CACNA1E: variants seen among roughly 807,000 people sequenced by gnomAD.
CACNA1E encodes voltage-dependent R-type calcium channel subunit alpha-1E.
In CACNA1E, 40 loss-of-function variants were observed where a neutral mutation model predicts 259.2. That is an observed-to-expected ratio of 0.15 (90% confidence interval 0.12 to 0.20). CACNA1E has a LOEUF of 0.20. Among genes scored for constraint, CACNA1E ranks in the 10% least tolerant of loss-of-function variants. The pLI is 1.00. For synonymous variants in CACNA1E, 1,104 were observed against 1,138.5 expected, an observed-to-expected ratio of 0.97 and a Z score of 0.61; for missense variants, 1,874 against 3,040.1, an observed-to-expected ratio of 0.62 and a Z score of 9.02.
chr1:181,725,748 C>T (rs1654845651), intron 17 of CACNA1E, among the ~76,000 whole-genome samples: 1 of 152,232 alleles, frequency 6.6e-6, no homozygotes, highest in Non-Finnish European at 1.5e-5. Context: ...ACCTCCACAG[C>T]CATAGCCAGC....
At position 181,431,817 on chromosome 1, in the gene CACNA1E, C is replaced by A. The variant is rs12043888; in HGVS notation, c.434+18237C>A. Among the ~76,000 whole-genome samples the A allele has an allele frequency of 1.2e-3, 178 of 152,292 alleles. No individual in the cohort carries two copies. In the East Asian group the frequency reaches 0.03, roughly 25 times the overall value. Reference sequence around the variant, plus strand: ...AAACCCTTTCATTCTATGTGATGGACAGATAAGAGATACAGGGCTCCTGTA... The same window carrying A: ...AAACCCTTTCATTCTATGTGATGGAAAGATAAGAGATACAGGGCTCCTGTA... On this transcript the variant is annotated intron_variant, in intron 2 of 11. Coordinates refer to the CACNA1E transcript ENST00000524607.
rs376304436 is a variant in CACNA1E at position 181,798,296 on chromosome 1, C to T, written c.6404C>T (p.Thr2135Ile). Reference protein sequence around the residue: ...GRSQTPNRQGTGSLSESSIPS... With the variant: ...GRSQTPNRQGIGSLSESSIPS... Reference sequence around the variant, plus strand: ...CATGTCTCTCCTGCTATACAGGGCACAGGTTCCCTAAGTGAGAGCTCCATC... The same window carrying T: ...CATGTCTCTCCTGCTATACAGGGCATAGGTTCCCTAAGTGAGAGCTCCATC... Residue 2135 changes from threonine to isoleucine, a missense_variant, in exon 48 of 48, where the codon ACA becomes ATA. This residue lies in a region of CACNA1E where 542 missense variants were observed against 587.2 expected (regional missense o/e 0.92). Transcript: ENST00000367573. The surrounding 1 kb of genome is among the most constrained non-coding windows in gnomAD (Gnocchi z 4.2). The T allele has an allele frequency of 2.5e-6, 4 of 1,590,886 alleles. No individual in the cohort carries two copies. The highest frequency in any genetic ancestry group is 2.2e-5 in the East Asian group (1 of 44,566).
intron 6 of CACNA1E, among the ~76,000 whole-genome samples, chr1:181,592,276 A>G (rs1572314130): frequency 6.6e-6 from 1 of 152,094 alleles, no homozygotes; most frequent in Non-Finnish European, 1.5e-5. Context: ...TCCCCTAGAC[A>G]TGGCTAAGTA....
At chr1:181,381,075 A>G (rs1655426115) in intron 1 of CACNA1E, among the ~76,000 whole-genome samples, 1 of 152,036 alleles carries the variant, frequency 6.6e-6, no homozygotes, top group South Asian at 2.1e-4. Context: ...CTGAGGCAGG[A>G]GAATCGCTTG....
In CACNA1E at chr1:181,785,477, A is replaced by T; in HGVS notation, c.5679+59A>T. 1.1e-5 allele frequency: 13 copies of T among 1,195,052 alleles called. No homozygotes were observed. In the South Asian group the frequency reaches 1.6e-4, roughly 15 times the overall value. The allele number at this position is 1,195,052 out of a possible 1,614,324, so 74.0% of individuals were successfully genotyped here. The stretch of plus-strand genomic sequence containing the variant: ...GCCATGAGGAGTTGCAGGAGGGAAT[A>T]GGCCTGTGCCTCCCTGGGGCATAGT... On this transcript the variant is annotated intron_variant, in intron 42 of 47. Coordinates refer to ENST00000367573, the MANE Select transcript of CACNA1E (RefSeq NM_001205293.3).
chr1:181,319,013 C>T (rs1376340730), intron 1 of CACNA1E, among the ~76,000 whole-genome samples: 1 of 152,172 alleles, frequency 6.6e-6, no homozygotes, highest in Non-Finnish European at 1.5e-5. Flanking sequence ...GAGACACTAA[C>T]CCACCGACGT....
intron 6 of CACNA1E, among the ~76,000 whole-genome samples, chr1:181,649,348 TG>T (rs1414180306): frequency 3.3e-5 from 5 of 152,022 alleles, no homozygotes; most frequent in Non-Finnish European, 7.4e-5. Context: ...CTGCTTCAAT[TG>T]CAATTATCTC....
In CACNA1E at chr1:181,802,547, C is replaced by G. The variant is rs1422323462; in HGVS notation, c.*3713C>G. The G allele has an allele frequency of 6.6e-6, 1 of 152,138 alleles. No homozygotes were observed. Among genetic ancestry groups the G allele is most frequent in the Non-Finnish European group, 1.5e-5 (1 of 68,026 alleles). 9.4% of individuals were successfully genotyped at this position (152,138 alleles called of 1,614,324 possible). ...GATCCAGCTCCTGAGATGGTTAATT[C>G]CACCCAATCCAAGCTTATTTGCTTG... On this transcript the variant is annotated 3_prime_UTR_variant, in exon 48 of 48. Transcript: ENST00000367573.
intron 3 of CACNA1E, among the ~76,000 whole-genome samples, chr1:181,561,983 T>C (rs151240401): frequency 2.0e-5 from 3 of 152,326 alleles, no homozygotes; most frequent in African/African-American, 7.2e-5. Flanking sequence ...TTTGCATTTC[T>C]CTAATGATTA....
chr1:181,616,341 TTTTG>T (rs760159236), intron 6 of CACNA1E, among the ~76,000 whole-genome samples: 2 of 117,168 alleles, frequency 1.7e-5, no homozygotes, highest in Non-Finnish European at 4.2e-5. Context: ...GTTTGTTTTG[TTTTG>T]TTTTTTTTGT....
At position 181,784,714 on chromosome 1, in the gene CACNA1E, A is replaced by C; in HGVS notation, c.5524A>C (p.Ile1842Leu). ...AGAGCTACAAAAGGAGACCCTAGCC[A>C]TCTGGCCTCACCTATCCCAGAAGAT... ...DSELQKETLA[I>L]WPHLSQKMLD... The change falls in exon 41 of 48, where the codon ATC becomes CTC. Residue 1842 changes from isoleucine (I) to leucine (L), a missense_variant. By Grantham distance (5) the Ile-to-Leu change is conservative. Coordinates refer to ENST00000367573, the MANE Select transcript of CACNA1E (RefSeq NM_001205293.3). 6.3e-7 allele frequency: 1 copy of C among 1,590,028 alleles called. No homozygotes were observed. Among genetic ancestry groups the C allele is most frequent in the Non-Finnish European group, 8.6e-7 (1 of 1,167,870 alleles).
At position 181,352,608 on chromosome 1, in the gene CACNA1E, C is replaced by T. The variant is rs151123090; in HGVS notation, c.-15+34485C>T. On this transcript the variant is annotated intron_variant, in intron 1 of 11. Transcript: ENST00000524607. ...TTAATGCATTGGTCTCTCTCTTCAC[C>T]GCCTCCTCTGCCACTTGTTAGTGTC... is the stretch of plus-strand genomic sequence containing the variant. 1.2e-4 allele frequency among the ~76,000 whole-genome samples: 19 copies of T among 152,222 alleles called. No individual in the cohort carries two copies. In the East Asian group the frequency reaches 1.7e-3, roughly 14 times the overall value.
intron 1 of CACNA1E, among the ~76,000 whole-genome samples, chr1:181,385,092 C>T (rs914184154): frequency 6.6e-5 from 10 of 152,064 alleles, no homozygotes; most frequent in East Asian, 5.8e-4. Context: ...TTACAAAGGG[C>T]GGTCTCTGGG....
intron 6 of CACNA1E, among the ~76,000 whole-genome samples, chr1:181,583,520 A>G (rs1209439726): frequency 1.3e-5 from 2 of 152,244 alleles, no homozygotes; most frequent in Non-Finnish European, 2.9e-5. Flanking sequence ...CCCAGTAGGA[A>G]GAAGCTCTCA....
At chr1:181,633,092 G>C (rs1357305106) in intron 6 of CACNA1E, among the ~76,000 whole-genome samples, 1 of 152,090 alleles carries the variant, frequency 6.6e-6, no homozygotes, top group Non-Finnish European at 1.5e-5. Flanking sequence ...GCTTTGGGAA[G>C]ATACACCTGA....
chr1:181,703,648 G>T (rs900460099), intron 7 of CACNA1E, among the ~76,000 whole-genome samples: 2 of 152,170 alleles, frequency 1.3e-5, no homozygotes, highest in African/African-American at 4.8e-5. Flanking sequence ...GCTCCTAAAA[G>T]AATAATCTTC....
chr1:181,444,760 G>A (rs1232186204), intron 2 of CACNA1E, among the ~76,000 whole-genome samples: 1 of 152,190 alleles, frequency 6.6e-6, no homozygotes, highest in Non-Finnish European at 1.5e-5. Context: ...GCCAGCACCA[G>A]CTGGGGAGAT....
At position 181,732,580 on chromosome 1, in the gene CACNA1E, G is replaced by A. The variant is rs1399982675; in HGVS notation, c.2494G>A (p.Ala832Thr). ...CCCCAGCCTTTATCGGCGACCCAGGGCCATTGAGGGCCTGGCCCTGGGCCT... is the reference window on the plus strand; with the variant it reads ...CCCCAGCCTTTATCGGCGACCCAGGACCATTGAGGGCCTGGCCCTGGGCCT... ...AHPSLYRRPR[A>T]IEGLALGLAL... The change falls in exon 20 of 48, where the codon GCC becomes ACC. Residue 832 changes from alanine (A) to threonine (T), a missense_variant. Transcript: ENST00000367573. This position sits in a 1 kb window ranked among gnomAD's most constrained non-coding sequence, Gnocchi z 5.5. The A allele has an allele frequency of 6.6e-7, 1 of 1,520,612 alleles. No homozygotes were observed. Among genetic ancestry groups the A allele is most frequent in the Non-Finnish European group, 8.8e-7 (1 of 1,133,592 alleles). The allele number at this position is 1,520,612 out of a possible 1,614,324, so 94.2% of individuals were successfully genotyped here. A position where few individuals can be genotyped will look rare whatever the true frequency, so the allele number is the denominator to read the frequency against.
At chr1:181,783,416 A>G (rs1281275455) in intron 39 of CACNA1E, among the ~76,000 whole-genome samples, 1 of 152,180 alleles carries the variant, frequency 6.6e-6, no homozygotes, top group Non-Finnish European at 1.5e-5. Context: ...CTGAATGATT[A>G]GGGAAGCCCC....
Sources: allele counts gnomAD v4.1 joint callset (sites outside exome capture counted in the v4.1 genomes callset), GRCh38; gene constraint gnomAD v4.1.1; regional missense constraint gnomAD v4.1.1; non-coding constraint Gnocchi (gnomAD v3.1); transcripts MANE v1.5; gene names NCBI Gene and HGNC (gene_info 2026-07-23, HGNC 2026-07-21).